The following ANKAR variants were observed in gnomAD, a reference collection of about 807,000 sequenced individuals.
ANKAR encodes ankyrin and armadillo repeat-containing protein.
A neutral mutation model predicts 146.2 loss-of-function variants in ANKAR; 136 were observed. The ratio of observed to expected loss-of-function variants is 0.93; its 90% CI spans 0.81 to 1.07. The LOEUF (loss-of-function observed/expected upper bound fraction) is 1.07, where lower values mean the gene tolerates loss of function less well. ANKAR is among the 50% of genes least tolerant of loss of function. ANKAR has a pLI of 0.00. For synonymous variants in ANKAR, 500 were observed against 575.8 expected (o/e 0.87, Z 1.88); for missense variants, 1,567 against 1,679.9 (o/e 0.93, Z 1.18).
At chr2:189,696,771 C>A (rs2105576697) in intron 7 of ANKAR, among the ~76,000 whole-genome samples, 1 of 152,242 alleles carries the variant, frequency 6.6e-6, no homozygotes. Flanking sequence ...CACTGATATA[C>A]TATAGAAATT....
chr2:189,743,592 C>A (rs780871601), intron 21 of ANKAR, 118 bp downstream of exon 21: 119 of 932,190 alleles, frequency 1.3e-4, no homozygotes, highest in Non-Finnish European at 1.8e-4. Context: ...TCCTGTATAG[C>A]AGAGGATAAA....
At chr2:189,755,291 G>C (rs1262520739) in intron 18 of ANKAR, 1 of 1,613,268 alleles carries the variant, frequency 6.2e-7, no homozygotes, top group African/African-American at 1.3e-5. Flanking sequence ...AACTAAAAAA[G>C]GAAATTCTAC....
chr2:189,728,833 T>C lies in ANKAR; in HGVS notation c.3193+12T>C, dbSNP rs1188788256. On this transcript the variant is annotated intron_variant, in intron 15 of 22. Coordinates refer to ENST00000684021, the MANE Select transcript of ANKAR (RefSeq NM_001378068.1). ...ATCCATTTGTATTGGTTTGTATACT[T>C]ATTCTCAATTTCTTAAATATCTGTA... The C allele has an allele frequency of 6.3e-7, 1 of 1,599,890 alleles. No homozygotes were observed. Among genetic ancestry groups the C allele is most frequent in the Non-Finnish European group, 8.5e-7 (1 of 1,171,374 alleles).
At chr2:189,705,249 G>C (rs1324317012) in intron 8 of ANKAR, 25 bp downstream of exon 8, 4 of 1,600,388 alleles carry the variant, frequency 2.5e-6, no homozygotes, top group Non-Finnish European at 3.4e-6. Flanking sequence ...ATTTATATCA[G>C]GTTGAGGTTG....
intron 7 of ANKAR, among the ~76,000 whole-genome samples, chr2:189,701,462 T>G (rs962836135): frequency 2.6e-5 from 4 of 152,208 alleles, no homozygotes; most frequent in Non-Finnish European, 5.9e-5. Flanking sequence ...TTCAGACTCT[T>G]GGGCTCAAGG....
At chr2:189,728,615 C>G (rs1406767107) in intron 14 of ANKAR, 45 bp from the exon 15 acceptor site, 1 of 1,592,336 alleles carries the variant, frequency 6.3e-7, no homozygotes. Flanking sequence ...TAATGTAGAA[C>G]AGGGCACTGG....
At chr2:189,760,519 G>A (rs993518560) in intron 18 of ANKAR, among the ~76,000 whole-genome samples, 3 of 152,292 alleles carry the variant, frequency 2.0e-5, no homozygotes, top group East Asian at 3.9e-4. Flanking sequence ...CCAGCCCGGC[G>A]CGGTGTCTCA....
At chr2:189,706,085 A>G (rs2038901368) in intron 8 of ANKAR, among the ~76,000 whole-genome samples, 2 of 151,542 alleles carry the variant, frequency 1.3e-5, no homozygotes, top group Non-Finnish European at 2.9e-5. Context: ...TGCTTTCACC[A>G]TCATGTCTAG....
At chr2:189,721,852 C>T (rs1007627626) in intron 12 of ANKAR, among the ~76,000 whole-genome samples, 4 of 152,060 alleles carry the variant, frequency 2.6e-5, no homozygotes, top group South Asian at 2.1e-4. Context: ...AAATGTAAGT[C>T]AAGATTAAGA....
intron 8 of ANKAR, among the ~76,000 whole-genome samples, chr2:189,705,696 A>C (rs914728842): frequency 6.6e-6 from 1 of 152,228 alleles, no homozygotes; most frequent in Non-Finnish European, 1.5e-5. Context: ...TTTGGATTAC[A>C]GGAGAAATAT....
At chr2:189,750,762 A>AT, downstream of ANKAR, 4 of 761,752 alleles carry the variant, frequency 5.3e-6, no homozygotes, top group Non-Finnish European at 8.1e-6. Context: ...TCAAATATTT[A>AT]ATTCATCATA....
At chr2:189,754,653 T>A (rs2045806985) in intron 18 of ANKAR, 2 of 308,588 alleles carry the variant, frequency 6.5e-6, no homozygotes, top group Non-Finnish European at 1.2e-5. Context: ...GAACTTGTCC[T>A]ATACTTCCTA....
chr2:189,721,683 G>A (rs1348204637), intron 12 of ANKAR, among the ~76,000 whole-genome samples: 1 of 152,158 alleles, frequency 6.6e-6, no homozygotes, highest in African/African-American at 2.4e-5. Context: ...TTTCATTCCA[G>A]TTAGCACATT....
Position 189,741,455 on chromosome 2 carries a change from A to T in ANKAR, c.3810+4A>T, listed in dbSNP as rs1412868966. On this transcript the variant is annotated splice_donor_region_variant and intron_variant, in intron 20 of 22. Transcript: ENST00000684021. ...TTTGTACTCGGGAATAGAAGAGGTA[A>T]AAACAAGCAAAAACTAATTCTAAAA... The T allele has an allele frequency of 3.8e-6, 6 of 1,566,614 alleles. No homozygotes were observed. The highest frequency in any genetic ancestry group is 5.2e-6 in the Non-Finnish European group (6 of 1,151,266).
chr2:189,758,415 C>G (rs966932494), intron 18 of ANKAR, among the ~76,000 whole-genome samples: 14 of 151,896 alleles, frequency 9.2e-5, no homozygotes, highest in African/African-American at 3.4e-4. Context: ...CACCTCACCC[C>G]CCCTCTCTCG....
At chr2:189,740,318 C>G (rs2043206475) in intron 19 of ANKAR, among the ~76,000 whole-genome samples, 1 of 152,148 alleles carries the variant, frequency 6.6e-6, no homozygotes, top group Admixed American at 6.5e-5. Flanking sequence ...TACCTTTAGA[C>G]AATTTTTGCT....
chr2:189,712,148 C>A (rs1327825144), intron 10 of ANKAR, among the ~76,000 whole-genome samples: 1 of 19,242 alleles, frequency 5.2e-5, no homozygotes, highest in African/African-American at 1.3e-4. Context: ...TCTCTGTAGA[C>A]CCCACATCTG....
rs563667445 is a variant in ANKAR at position 189,703,509 on chromosome 2, G to C, written c.1709-1514G>C. Among the ~76,000 whole-genome samples the C allele has an allele frequency of 8.1e-4, 123 of 152,260 alleles. 1 individual carries two copies. The highest frequency in any genetic ancestry group is 2.9e-3 in the African/African-American group (120 of 41,534). Reference sequence around the variant, plus strand: ...AGAACCAGGTTTGGAGGGAAGGATAGTAGTTCAATTTTGAATACATTAAGT... The same window carrying C: ...AGAACCAGGTTTGGAGGGAAGGATACTAGTTCAATTTTGAATACATTAAGT... On this transcript the variant is annotated intron_variant, in intron 7 of 22. Coordinates refer to ENST00000684021, the MANE Select transcript of ANKAR (RefSeq NM_001378068.1).
rs1430064231 is a variant in ANKAR at position 189,755,709 on chromosome 2, A to G, written c.*585-5389A>G. On this transcript the variant is annotated intron_variant and NMD_transcript_variant, in intron 18 of 18. Coordinates refer to the ANKAR transcript ENST00000441800. Reference sequence around the variant, plus strand: ...AATTGTGTGCCTTCTAACATAGCACACTATGGTTAAAACTCAGTAAGCAGT... The same window carrying G: ...AATTGTGTGCCTTCTAACATAGCACGCTATGGTTAAAACTCAGTAAGCAGT... 6.0e-6 allele frequency: 5 copies of G among 827,242 alleles called. No individual in the cohort carries two copies. In the Admixed American group the frequency reaches 1.1e-4, roughly 18 times the overall value. 51.2% of individuals were successfully genotyped at this position (827,242 alleles called of 1,614,324 possible). A position where few individuals can be genotyped will look rare whatever the true frequency, so the allele number is the denominator to read the frequency against.
Sources: allele counts gnomAD v4.1 joint callset (sites outside exome capture counted in the v4.1 genomes callset), GRCh38; gene constraint gnomAD v4.1.1; transcripts MANE v1.5; gene names NCBI Gene and HGNC (gene_info 2026-07-23, HGNC 2026-07-21).